The following ATF2 variants were observed in gnomAD, a reference collection of about 807,000 sequenced individuals.
The protein encoded by ATF2 is cyclic AMP-dependent transcription factor ATF-2.
In ATF2, 24 loss-of-function variants were observed where a neutral mutation model predicts 60.6. That is an observed-to-expected ratio of 0.40 (90% CI 0.29 to 0.56). The LOEUF is 0.56. Ranked by LOEUF, ATF2 falls within the 20% of genes least tolerant of loss-of-function variation. The pLI is 0.54. For synonymous variants in ATF2, 206 were observed against 215.4 expected, an observed-to-expected ratio of 0.96 and a Z score of 0.38; for missense variants, 433 against 607.7, an observed-to-expected ratio of 0.71 and a Z score of 3.02.
chr2:175,147,669 G>C (rs1315048758), intron 2 of ATF2, among the ~76,000 whole-genome samples: 1 of 152,140 alleles, frequency 6.6e-6, no homozygotes, highest in African/African-American at 2.4e-5. Flanking sequence ...AAAGTTGCTT[G>C]ATGTTACCAT....
rs1177093961 is a variant in ATF2, at chr2:175,080,640, G to A, written c.1291+20C>T. ...TTCACTGACGTAGCCTAAGGCTATAGGTAATGGAACATTACTCACTATGAT... is the reference window on the plus strand; with the variant it reads ...TTCACTGACGTAGCCTAAGGCTATAAGTAATGGAACATTACTCACTATGAT... On this transcript the variant is annotated intron_variant, in intron 13 of 13. Coordinates refer to ENST00000264110, the MANE Select transcript of ATF2 (RefSeq NM_001880.4). 14 of 1,586,186 alleles carry A rather than the reference G, an allele frequency of 8.8e-6. No homozygotes were observed. Among genetic ancestry groups the A allele is most frequent in the African/African-American group, 2.7e-5 (2 of 74,302 alleles).
At chr2:175,121,876 T>C (rs1696978301) in intron 4 of ATF2, among the ~76,000 whole-genome samples, 1 of 151,878 alleles carries the variant, frequency 6.6e-6, no homozygotes, top group Non-Finnish European at 1.5e-5. Context: ...CTTATCATAG[T>C]AGAAACTATA....
At position 175,097,440 on chromosome 2, in the gene ATF2, A is replaced by G. The variant is rs779683235; in HGVS notation, c.978+4T>C. The G allele has an allele frequency of 5.6e-6, 9 of 1,613,628 alleles. No homozygotes were observed. The highest frequency in any genetic ancestry group is 1.3e-5 in the African/African-American group (1 of 74,908). On this transcript the variant is annotated splice_donor_region_variant and intron_variant, in intron 11 of 13. Transcript: ENST00000264110. ...GTGCTGAATAATAAAAACAACACAC[A>G]TACCGGAGTTTCTGTAGTGGATGTG...
At chr2:175,126,534 T>C (rs1048309068) in intron 4 of ATF2, among the ~76,000 whole-genome samples, 4 of 152,342 alleles carry the variant, frequency 2.6e-5, no homozygotes, top group African/African-American at 9.6e-5. Context: ...CCCTAACTTC[T>C]TAATGTTTTT....
At chr2:175,077,755 C>T (rs539450788) in intron 13 of ATF2, among the ~76,000 whole-genome samples, 6 of 152,102 alleles carry the variant, frequency 3.9e-5, no homozygotes, top group Non-Finnish European at 7.4e-5. Context: ...TAATTATAAA[C>T]CTTACATACA....
intron 5 of ATF2, among the ~76,000 whole-genome samples, chr2:175,119,183 A>G (rs1696784114): frequency 6.6e-6 from 1 of 151,664 alleles, no homozygotes; most frequent in South Asian, 2.1e-4. Flanking sequence ...AAAGCAAGAA[A>G]CTTATAAATT....
chr2:175,139,108 G>T (rs527442800), intron 2 of ATF2, among the ~76,000 whole-genome samples: 1 of 152,270 alleles, frequency 6.6e-6, no homozygotes, highest in South Asian at 2.1e-4. Context: ...ATGAGTACTG[G>T]ATAAAATGGC....
At position 175,133,377 on chromosome 2, in the gene ATF2, T is replaced by C. The variant is rs1011780903; in HGVS notation, c.32+3035A>G. Among the ~76,000 whole-genome samples the C allele has an allele frequency of 5.9e-5, 9 of 152,256 alleles. No individual in the cohort carries two copies. The East Asian group carries it at 1.7e-3, about 29-fold the overall frequency. On this transcript the variant is annotated intron_variant, in intron 3 of 13. Transcript: ENST00000264110. ...TACCTGATTTGTACAAATGCTCAAC[T>C]GCAGTTAAGTGGGAAAAGGATGGTC...
intron 10 of ATF2, among the ~76,000 whole-genome samples, chr2:175,103,961 G>A (rs1695472258): frequency 1.3e-5 from 2 of 151,390 alleles, no homozygotes; most frequent in Non-Finnish European, 1.5e-5. Context: ...TTCATTTTTC[G>A]GTCCCTATCG....
rs186146735 is a variant in ATF2 at position 175,125,337 on chromosome 2, T to C, written c.103-3797A>G. 1.8e-3 allele frequency among the ~76,000 whole-genome samples: 275 copies of C among 152,180 alleles called. 6 individuals are homozygous for C. The highest frequency in any genetic ancestry group is 0.018 in the Admixed American group (273 of 15,290). On this transcript the variant is annotated intron_variant, in intron 4 of 13. Coordinates refer to ENST00000264110, the MANE Select transcript of ATF2 (RefSeq NM_001880.4). Reference sequence around the variant, plus strand: ...TCTGTTCTCAGCAAGATTTAACAAATGGATGAGTAGCCAGGTTATATTTTG... The same window carrying C: ...TCTGTTCTCAGCAAGATTTAACAAACGGATGAGTAGCCAGGTTATATTTTG...
chr2:175,149,004 C>A (rs1574485244), intron 2 of ATF2, among the ~76,000 whole-genome samples: 1 of 152,296 alleles, frequency 6.6e-6, no homozygotes. Flanking sequence ...TAGGTTGTGT[C>A]ATTAGCCACT....
intron 13 of ATF2, among the ~76,000 whole-genome samples, chr2:175,076,770 G>C (rs981398447): frequency 3.5e-4 from 52 of 149,050 alleles, no homozygotes; most frequent in African/African-American, 1.2e-3. Flanking sequence ...GTATTTATAT[G>C]TGATTTTTAA....
intron 13 of ATF2, among the ~76,000 whole-genome samples, chr2:175,077,835 G>A (rs1693452639): frequency 6.6e-6 from 1 of 152,076 alleles, no homozygotes; most frequent in Non-Finnish European, 1.5e-5. Context: ...GAAAATGACT[G>A]GTGTAATCAC....
chr2:175,109,104 C>T (rs923900068), intron 10 of ATF2, among the ~76,000 whole-genome samples: 1 of 150,602 alleles, frequency 6.6e-6, no homozygotes, highest in Admixed American at 6.6e-5. Flanking sequence ...GCTGACCTTC[C>T]CTCCACTATT....
intron 4 of ATF2, among the ~76,000 whole-genome samples, chr2:175,124,755 C>A: frequency 6.6e-6 from 1 of 151,906 alleles, no homozygotes; most frequent in Non-Finnish European, 1.5e-5. Flanking sequence ...CTTTATAAAA[C>A]AGCTTATAAT....
At chr2:175,088,194 A>T (rs1397642108) in intron 12 of ATF2, among the ~76,000 whole-genome samples, 1 of 152,184 alleles carries the variant, frequency 6.6e-6, no homozygotes, top group Admixed American at 6.5e-5. Flanking sequence ...ACTCAGAATA[A>T]AATGCATGAG....
Position 175,157,058 on chromosome 2 carries a change from G to A in ATF2, c.-142-5900C>T, listed in dbSNP as rs1372094472. The stretch of plus-strand genomic sequence containing the variant: ...TAAAAATTCACATAAAGTTTCTAAA[G>A]GGCATACAATTTCCAGCAATGTCCT... On this transcript the variant is annotated intron_variant, in intron 1 of 13. Transcript: ENST00000264110. Among the ~76,000 whole-genome samples, 7 of 152,084 alleles carry A rather than the reference G, an allele frequency of 4.6e-5. No individual in the cohort carries two copies. The East Asian group carries it at 1.2e-3, about 25-fold the overall frequency.
At chr2:175,153,893 T>C (rs529101106) in intron 1 of ATF2, among the ~76,000 whole-genome samples, 1 of 151,012 alleles carries the variant, frequency 6.6e-6, no homozygotes, top group South Asian at 2.1e-4. Context: ...CAAAAATATT[T>C]TCATCCTTAT....
chr2:175,111,687 A>G (rs1174250889), intron 9 of ATF2, 33 bp from the exon 10 acceptor site: 1 of 1,554,104 alleles, frequency 6.4e-7, no homozygotes. Context: ...TAATTGCTAG[A>G]GAATATATTC....
Sources: allele counts gnomAD v4.1 joint callset (sites outside exome capture counted in the v4.1 genomes callset), GRCh38; gene constraint gnomAD v4.1.1; transcripts MANE v1.5; gene names NCBI Gene and HGNC (gene_info 2026-07-23, HGNC 2026-07-21).